The following CALN1 variants were observed in gnomAD, a reference collection of about 807,000 sequenced individuals.
The protein encoded by CALN1 is calneuron 1, also known as calcium-binding protein 8.
CALN1 carries 17 observed loss-of-function variants against 30.6 expected under a neutral mutation model. The ratio of observed to expected loss-of-function variants is 0.56; its 90% CI spans 0.38 to 0.83. The LOEUF (loss-of-function observed/expected upper bound fraction) is 0.83. Among genes scored for constraint, CALN1 ranks in the 40% least tolerant of loss-of-function variants. The pLI is 0.00. For synonymous variants in CALN1, 156 were observed against 131.4 expected, an observed-to-expected ratio of 1.19 and a Z score of -1.28; for missense variants, 291 against 354.9, an observed-to-expected ratio of 0.82 and a Z score of 1.45.
chr7:72,469,830 G>A, the CALN1 span, among the ~76,000 whole-genome samples: 1 of 152,146 alleles, frequency 6.6e-6, no homozygotes, highest in Non-Finnish European at 1.5e-5. Context: ...CCTGAACCCA[G>A]TCAAGGGTAG....
chr7:71,846,938 T>C (rs936701214), intron 5 of CALN1, among the ~76,000 whole-genome samples: 5 of 145,112 alleles, frequency 3.4e-5, no homozygotes, highest in Non-Finnish European at 4.5e-5. Context: ...TATATACATA[T>C]ATGTATATAT....
intron 2 of CALN1, among the ~76,000 whole-genome samples, chr7:72,343,386 T>C (rs1802472695): frequency 6.6e-6 from 1 of 151,862 alleles, no homozygotes; most frequent in Admixed American, 6.6e-5. Flanking sequence ...GTTTCTACTG[T>C]AAATACAAAA....
the CALN1 span, among the ~76,000 whole-genome samples, chr7:72,479,692 C>G: frequency 1.3e-4 from 20 of 152,114 alleles, no homozygotes; most frequent in African/African-American, 4.8e-4. Flanking sequence ...GCTAGGACTA[C>G]AGGCACAGGC....
At chr7:72,279,998 G>A (rs770180387) in intron 2 of CALN1, among the ~76,000 whole-genome samples, 8 of 152,114 alleles carry the variant, frequency 5.3e-5, no homozygotes, top group South Asian at 2.1e-4. Flanking sequence ...AAATTAAAAG[G>A]TTTAACCAGG....
chr7:72,132,370 G>C (rs745446365), intron 3 of CALN1, among the ~76,000 whole-genome samples: 17 of 152,124 alleles, frequency 1.1e-4, no homozygotes, highest in Non-Finnish European at 2.4e-4. Flanking sequence ...GTGAAAAACA[G>C]AATAGTTCTA....
chr7:72,385,079 G>A (rs939444774), intron 2 of CALN1, among the ~76,000 whole-genome samples: 1 of 152,164 alleles, frequency 6.6e-6, no homozygotes, highest in African/African-American at 2.4e-5. Context: ...TCGTCATAGA[G>A]AATTGAAAAT....
At chr7:72,502,323 T>A in the CALN1 span, among the ~76,000 whole-genome samples, 3 of 150,104 alleles carry the variant, frequency 2.0e-5, no homozygotes, top group South Asian at 2.1e-4. Context: ...TCTGAAGATA[T>A]AATTTCTTAA....
At chr7:72,471,051 G>C in the CALN1 span, among the ~76,000 whole-genome samples, 1 of 152,084 alleles carries the variant, frequency 6.6e-6, no homozygotes, top group South Asian at 2.1e-4. Context: ...GAACTCCTGG[G>C]TCAAGCAATC....
At chr7:71,881,533 T>C (rs538689753) in intron 5 of CALN1, among the ~76,000 whole-genome samples, 1 of 152,318 alleles carries the variant, frequency 6.6e-6, no homozygotes, top group East Asian at 1.9e-4. Context: ...CTTTGGGTTA[T>C]CTTCTACCAA....
At chr7:72,226,131 C>T (rs1793659162) in intron 3 of CALN1, among the ~76,000 whole-genome samples, 2 of 148,114 alleles carry the variant, frequency 1.4e-5, no homozygotes, top group Non-Finnish European at 3.0e-5. Flanking sequence ...CATGGTGGTG[C>T]ACGCTAAGAA....
At chr7:71,963,818 G>C (rs570470566) in intron 5 of CALN1, among the ~76,000 whole-genome samples, 1 of 152,146 alleles carries the variant, frequency 6.6e-6, no homozygotes, top group South Asian at 2.1e-4. Flanking sequence ...AATGCAATGA[G>C]ATTATCACCA....
intron 4 of CALN1, among the ~76,000 whole-genome samples, chr7:72,031,107 G>A (rs1339422212): frequency 2.0e-5 from 3 of 152,192 alleles, no homozygotes; most frequent in Non-Finnish European, 4.4e-5. Context: ...GCAGGGAGTA[G>A]AGCTGAGATT....
At chr7:72,266,610 TTTTTC>T (rs1477224952) in intron 3 of CALN1, among the ~76,000 whole-genome samples, 2 of 152,208 alleles carry the variant, frequency 1.3e-5, no homozygotes, top group African/African-American at 4.8e-5. Flanking sequence ...GCAGTTGTGT[TTTTTC>T]TTTTATCTTA....
chr7:72,466,307 T>C, the CALN1 span, among the ~76,000 whole-genome samples: 1 of 152,100 alleles, frequency 6.6e-6, no homozygotes, highest in Non-Finnish European at 1.5e-5. Context: ...GAGAAGGAAC[T>C]GGTTCTGCCT....
chr7:72,497,589 C>A, the CALN1 span, among the ~76,000 whole-genome samples: 3 of 152,182 alleles, frequency 2.0e-5, no homozygotes, highest in African/African-American at 7.2e-5. Flanking sequence ...AGAGCTACAT[C>A]CTAGAAACGA....
chr7:72,264,258 T>C (rs1337993869), intron 3 of CALN1, among the ~76,000 whole-genome samples: 1 of 152,166 alleles, frequency 6.6e-6, no homozygotes, highest in Non-Finnish European at 1.5e-5. Flanking sequence ...GTTTTCTGTT[T>C]CTGCTTTCCT....
At chr7:72,404,180 G>C (rs1806542996) in intron 1 of CALN1, among the ~76,000 whole-genome samples, 1 of 152,098 alleles carries the variant, frequency 6.6e-6, no homozygotes, top group Non-Finnish European at 1.5e-5. Context: ...CCCTTGGTTG[G>C]GTTAAGGCAC....
chr7:72,153,689 T>G (rs944931347), intron 3 of CALN1, among the ~76,000 whole-genome samples: 4 of 151,392 alleles, frequency 2.6e-5, no homozygotes, highest in African/African-American at 9.7e-5. Flanking sequence ...TCTAAAAAAA[T>G]AAAAAGAAAA....
chr7:71,792,353 G>A (rs535606129), intron 6 of CALN1, among the ~76,000 whole-genome samples: 165 of 152,052 alleles, frequency 1.1e-3, no homozygotes, highest in Middle Eastern at 6.8e-3. Flanking sequence ...GAATTATTTC[G>A]CCATGGTCTC....
Sources: allele counts gnomAD v4.1 joint callset (sites outside exome capture counted in the v4.1 genomes callset), GRCh38; gene constraint gnomAD v4.1.1; transcripts MANE v1.5; gene names NCBI Gene and HGNC (gene_info 2026-07-23, HGNC 2026-07-21).